The following NTNG2 variants were observed in gnomAD, a reference collection of about 807,000 sequenced individuals.
NTNG2 encodes the protein netrin G2.
Under a neutral mutation model 47.6 loss-of-function variants are expected in NTNG2, and 15 were observed. The ratio of observed to expected loss-of-function variants is 0.32; its 90% CI spans 0.21 to 0.49. The LOEUF is 0.49. NTNG2 is among the 20% of genes least tolerant of loss of function. The probability of loss-of-function intolerance (pLI) is 0.99; values close to 1 mark genes in which losing one functional copy is unlikely to be tolerated. For synonymous variants in NTNG2, 307 were observed against 324.6 expected (o/e 0.95, Z 0.58); for missense variants, 578 against 764.6 (o/e 0.76, Z 2.88).
rs905582114 is a variant in NTNG2 at position 132,197,792 on chromosome 9, C to T, written c.214-174C>T. Among the ~76,000 whole-genome samples, 7 of 151,988 alleles carry T rather than the reference C, an allele frequency of 4.6e-5. No individual in the cohort carries two copies. Among genetic ancestry groups the T allele is most frequent in the African/African-American group, 1.2e-4 (5 of 41,376 alleles). On this transcript the variant is annotated intron_variant, in intron 2 of 7. Transcript: ENST00000393229. The surrounding 1 kb of genome is among the most constrained non-coding windows in gnomAD (Gnocchi z 4.3). ...AGCCATGGGATTGCACACCTCTGCA[C>T]GCATTGAGGAAATGGGCACAAATCT... is the stretch of plus-strand genomic sequence containing the variant.
intron 3 of NTNG2, among the ~76,000 whole-genome samples, chr9:132,222,314 G>A (rs899478260): frequency 2.6e-4 from 39 of 152,198 alleles, no homozygotes; most frequent in African/African-American, 7.2e-4. Flanking sequence ...AAGAAGGGCC[G>A]CCCGTACCAA....
At position 132,215,122 on chromosome 9, in the gene NTNG2, C is replaced by T. The variant is rs932926175; in HGVS notation, c.858-11727C>T. The stretch of plus-strand genomic sequence containing the variant: ...TCTTGCCCAGGCTGGTCTCAAACTC[C>T]TGTTCTCAGGTAATCCTCCTGCCTG... On this transcript the variant is annotated intron_variant, in intron 3 of 7. Coordinates refer to ENST00000393229, the MANE Select transcript of NTNG2 (RefSeq NM_032536.4). The surrounding 1 kb of genome is among the most constrained non-coding windows in gnomAD (Gnocchi z 4.2). Among the ~76,000 whole-genome samples, 1 of 151,790 alleles carries T rather than the reference C, an allele frequency of 6.6e-6. No individual in the cohort carries two copies. Among genetic ancestry groups the T allele is most frequent in the African/African-American group, 2.4e-5 (1 of 41,262 alleles).
intron 2 of NTNG2, among the ~76,000 whole-genome samples, chr9:132,193,738 T>C (rs1376627005): frequency 1.3e-5 from 2 of 152,140 alleles, no homozygotes; most frequent in African/African-American, 4.8e-5. Flanking sequence ...ATGAGGCTTG[T>C]CTTAGTCAGC....
At chr9:132,234,249 A>G (rs1331594320) in intron 5 of NTNG2, among the ~76,000 whole-genome samples, 1 of 151,998 alleles carries the variant, frequency 6.6e-6, no homozygotes, top group Non-Finnish European at 1.5e-5. Flanking sequence ...GCTGGTGTTG[A>G]ACTCCTGACC....
At chr9:132,213,258 G>T (rs796264810) in intron 3 of NTNG2, among the ~76,000 whole-genome samples, 31 of 147,568 alleles carry the variant, frequency 2.1e-4, no homozygotes, top group African/African-American at 7.6e-4. Flanking sequence ...GGAGGCGGAG[G>T]TTAAAGTGAG....
rs997929121 is a variant in NTNG2, at chr9:132,214,499, G to A, written c.858-12350G>A. Among the ~76,000 whole-genome samples the A allele has an allele frequency of 1.1e-4, 17 of 152,330 alleles. No homozygotes were observed. In the South Asian group the frequency reaches 2.1e-3, roughly 19 times the overall value. ...GGGCTCTCCCCTGGAGGTGAGGCCCGGTGCTGCCTACTAACAGTTGTGGTC... is the reference window on the plus strand; with the variant it reads ...GGGCTCTCCCCTGGAGGTGAGGCCCAGTGCTGCCTACTAACAGTTGTGGTC... On this transcript the variant is annotated intron_variant, in intron 3 of 7. Coordinates refer to ENST00000393229, the MANE Select transcript of NTNG2 (RefSeq NM_032536.4).
In NTNG2 at chr9:132,242,564, C is replaced by T. The variant is rs1164830299; in HGVS notation, c.*453C>T. The T allele has an allele frequency of 1.3e-5, 2 of 152,282 alleles. No homozygotes were observed. Among genetic ancestry groups the T allele is most frequent in the Non-Finnish European group, 2.9e-5 (2 of 68,112 alleles). The allele number at this position is 152,282 out of a possible 1,614,324, so 9.4% of individuals were successfully genotyped here. On this transcript the variant is annotated 3_prime_UTR_variant, in exon 8 of 8. Coordinates refer to ENST00000393229, the MANE Select transcript of NTNG2 (RefSeq NM_032536.4). This position sits in a 1 kb window ranked among gnomAD's most constrained non-coding sequence, Gnocchi z 5.9. ...CCCGACCTCCAGTTGCCTACAATTC[C>T]AGTCGCTGACTTGGTCCTGTTTTCT... is the stretch of plus-strand genomic sequence containing the variant.
chr9:132,189,555 T>G (rs1201351708), intron 2 of NTNG2, among the ~76,000 whole-genome samples: 1 of 152,128 alleles, frequency 6.6e-6, no homozygotes, highest in Non-Finnish European at 1.5e-5. Context: ...CGAATGAGCC[T>G]CATGTCCTGC....
intron 2 of NTNG2, among the ~76,000 whole-genome samples, chr9:132,174,697 G>A (rs994465916): frequency 1.5e-4 from 23 of 152,284 alleles, no homozygotes; most frequent in Non-Finnish European, 2.1e-4. Flanking sequence ...TGAGGTGGGC[G>A]GATCACCTGA....
At chr9:132,167,079 C>T in intron 2 of NTNG2, 35 bp downstream of exon 2, 2 of 1,607,252 alleles carry the variant, frequency 1.2e-6, no homozygotes, top group South Asian at 1.1e-5. Flanking sequence ...TTTGCCCAGG[C>T]CAAGTGGGAG....
rs570881836 is a variant in NTNG2, at chr9:132,166,675, G to A, written c.-157G>A. ...GCCTTTTGGAAACAACAAGTTCCTC[G>A]CTGTTTGCAAAGCTTCAGTGCTCGG... On this transcript the variant is annotated 5_prime_UTR_variant, in exon 2 of 8. Coordinates refer to ENST00000393229, the MANE Select transcript of NTNG2 (RefSeq NM_032536.4). 546 of 653,722 alleles carry A rather than the reference G, an allele frequency of 8.4e-4. No homozygotes were observed. The East Asian group carries it at 0.012, about 14-fold the overall frequency. 40.5% of individuals were successfully genotyped at this position (653,722 alleles called of 1,614,324 possible). A position where few individuals can be genotyped will look rare whatever the true frequency, so the allele number is the denominator to read the frequency against.
chr9:132,220,243 C>T (rs1398812679), intron 3 of NTNG2, among the ~76,000 whole-genome samples: 1 of 152,074 alleles, frequency 6.6e-6, no homozygotes, highest in Non-Finnish European at 1.5e-5. Flanking sequence ...GATATAAGTT[C>T]CTTTTTAGCT....
At position 132,174,330 on chromosome 9, in the gene NTNG2, A is replaced by G. The variant is rs879079304; in HGVS notation, c.213+7286A>G. ...GGATGAGACGGACGGACGGACGGAC[A>G]GACAGACAGGTCGAACCATGCTGCA... On this transcript the variant is annotated intron_variant, in intron 2 of 7. Coordinates refer to ENST00000393229, the MANE Select transcript of NTNG2 (RefSeq NM_032536.4). Among the ~76,000 whole-genome samples, 16 of 132,748 alleles carry G rather than the reference A, an allele frequency of 1.2e-4. No homozygotes were observed. The South Asian group carries it at 1.5e-3, about 12-fold the overall frequency. 87.1% of individuals were successfully genotyped at this position (132,748 alleles called of 152,430 possible).
chr9:132,191,582 T>A (rs1191648396), intron 2 of NTNG2, among the ~76,000 whole-genome samples: 1 of 152,054 alleles, frequency 6.6e-6, no homozygotes, highest in African/African-American at 2.4e-5. Flanking sequence ...TTTTTTCTTT[T>A]AGACAGAGTC....
chr9:132,191,623 G>A (rs1837896660), intron 2 of NTNG2, among the ~76,000 whole-genome samples: 1 of 151,920 alleles, frequency 6.6e-6, no homozygotes, highest in Admixed American at 6.6e-5. Context: ...GAGTGCTGGA[G>A]TGCAGTGGCG....
In NTNG2 at chr9:132,221,561, C is replaced by A. The variant is rs1472643540; in HGVS notation, c.858-5288C>A. On this transcript the variant is annotated intron_variant, in intron 3 of 7. Coordinates refer to ENST00000393229, the MANE Select transcript of NTNG2 (RefSeq NM_032536.4). This position sits in a 1 kb window ranked among gnomAD's most constrained non-coding sequence, Gnocchi z 4.2. ...AGCTCCTCCCTGCAGCCCTGCTAGA[C>A]AGGGCAATTCTCTCCTTTGGAAGAG... is the stretch of plus-strand genomic sequence containing the variant. Among the ~76,000 whole-genome samples, 1 of 152,256 alleles carries A rather than the reference C, an allele frequency of 6.6e-6. No homozygotes were observed. The highest frequency in any genetic ancestry group is 6.5e-5 in the Admixed American group (1 of 15,292).
rs780180768 is a variant in NTNG2 at position 132,198,349 on chromosome 9, C to T, written c.597C>T (p.Tyr199=). ...SAHRVLCTEE[Y]SRWAGSKKEK... is the part of the protein sequence containing the mutation. ...ACCGCGTGCTCTGCACCGAGGAGTA[C>T]TCGCGCTGGGCAGGCTCCAAGAAGG... Residue 199 remains tyrosine, a synonymous_variant, in exon 3 of 8, where the codon TAC becomes TAT. Coordinates refer to ENST00000393229, the MANE Select transcript of NTNG2 (RefSeq NM_032536.4). 1 of 1,612,878 alleles carries T rather than the reference C, an allele frequency of 6.2e-7. No homozygotes were observed. Among genetic ancestry groups the T allele is most frequent in the East Asian group, 2.2e-5 (1 of 44,882 alleles).
chr9:132,174,228 A>G (rs1836215335), intron 2 of NTNG2, among the ~76,000 whole-genome samples: 1 of 143,460 alleles, frequency 7.0e-6, no homozygotes, highest in African/African-American at 2.6e-5. Context: ...GGACGGACAG[A>G]CAGGCAGGCC....
chr9:132,192,506 G>A (rs937234915), intron 2 of NTNG2, among the ~76,000 whole-genome samples: 3 of 152,226 alleles, frequency 2.0e-5, no homozygotes, highest in African/African-American at 2.4e-5. Context: ...CAGGAGTATC[G>A]CTTGAACCCA....
Sources: allele counts gnomAD v4.1 joint callset (sites outside exome capture counted in the v4.1 genomes callset), GRCh38; gene constraint gnomAD v4.1.1; non-coding constraint Gnocchi (gnomAD v3.1); transcripts MANE v1.5; gene names NCBI Gene and HGNC (gene_info 2026-07-23, HGNC 2026-07-21).